The following ZNF536 variants were observed in gnomAD, a reference collection of about 807,000 sequenced individuals.
The protein encoded by ZNF536 is zinc finger protein 536.
Under a neutral mutation model 84.5 loss-of-function variants are expected in ZNF536, and 13 were observed. The observed-to-expected ratio is 0.15, with a 90% confidence interval of 0.10 to 0.24. The LOEUF (loss-of-function observed/expected upper bound fraction) is 0.24, where lower values mean the gene tolerates loss of function less well. ZNF536 is among the 10% of genes least tolerant of loss of function. The pLI is 1.00. For synonymous variants in ZNF536, 811 were observed against 742.5 expected (o/e 1.09, Z -1.50); for missense variants, 1,536 against 1,747.5 (o/e 0.88, Z 2.16).
chr19:30,663,418 A>G (rs929507937), intron 1 of ZNF536, among the ~76,000 whole-genome samples: 5 of 152,036 alleles, frequency 3.3e-5, no homozygotes, highest in African/African-American at 1.2e-4. Flanking sequence ...TTAAAATTAT[A>G]TAACTCTGTT....
chr19:30,655,630 C>A (rs1336016786), intron 1 of ZNF536, among the ~76,000 whole-genome samples: 1 of 152,148 alleles, frequency 6.6e-6, no homozygotes, highest in African/African-American at 2.4e-5. Context: ...TTGAGCTGGG[C>A]CTGCAAAGAT....
intron 1 of ZNF536, among the ~76,000 whole-genome samples, chr19:30,573,935 C>A (rs1378123579): frequency 6.6e-6 from 1 of 152,196 alleles, no homozygotes; most frequent in Non-Finnish European, 1.5e-5. Flanking sequence ...TGCAGAGGAG[C>A]TATTGCCAGG....
intron 1 of ZNF536, among the ~76,000 whole-genome samples, chr19:30,592,175 C>T (rs1447709322): frequency 6.6e-6 from 1 of 152,158 alleles, no homozygotes; most frequent in Non-Finnish European, 1.5e-5. Flanking sequence ...AGTCACTATG[C>T]ATCAAATTCT....
chr19:30,332,437 C>T (rs542666534), intron 2 of ZNF536, among the ~76,000 whole-genome samples: 2 of 152,208 alleles, frequency 1.3e-5, no homozygotes, highest in South Asian at 2.1e-4. Context: ...AGTGGGCGTC[C>T]AGGCATCCTC....
At chr19:30,497,958 A>G (rs2145238601) in intron 2 of ZNF536, among the ~76,000 whole-genome samples, 1 of 152,274 alleles carries the variant, frequency 6.6e-6, no homozygotes, top group African/African-American at 2.4e-5. Flanking sequence ...TTGCTCATTT[A>G]CTCATGAATT....
At chr19:30,535,141 T>C (rs1363703139) in intron 3 of ZNF536, 142 bp downstream of exon 3, 1 of 953,094 alleles carries the variant, frequency 1.0e-6, no homozygotes, top group Non-Finnish European at 1.5e-6. Context: ...CACCATTGTA[T>C]GGCTCAGAAG....
intron 3 of ZNF536, among the ~76,000 whole-genome samples, chr19:30,360,249 C>T (rs960770114): frequency 6.6e-6 from 1 of 152,208 alleles, no homozygotes; most frequent in Non-Finnish European, 1.5e-5. Context: ...GGCCCCTGCC[C>T]GGCTCCCTTG....
chr19:30,326,813 T>TTTTTTTG (rs2047052922), intron 2 of ZNF536, among the ~76,000 whole-genome samples: 2 of 139,176 alleles, frequency 1.4e-5, no homozygotes, highest in Non-Finnish European at 3.1e-5. Flanking sequence ...TTTTTTTTTT[T>TTTTTTTG]TTTTTGTTTT....
intron 2 of ZNF536, among the ~76,000 whole-genome samples, chr19:30,332,187 C>G (rs1466050832): frequency 2.0e-5 from 3 of 152,128 alleles, no homozygotes; most frequent in Non-Finnish European, 4.4e-5. Context: ...TCCTCTTTGC[C>G]CCCCGGCCTC....
At chr19:30,349,887 T>C (rs986465615) in intron 2 of ZNF536, among the ~76,000 whole-genome samples, 4 of 152,144 alleles carry the variant, frequency 2.6e-5, no homozygotes, top group African/African-American at 9.7e-5. Flanking sequence ...AATGGAGAAG[T>C]ATAGTATGTT....
chr19:30,532,118 CCTT>C (rs1410146180), intron 2 of ZNF536, among the ~76,000 whole-genome samples: 1 of 150,264 alleles, frequency 6.7e-6, no homozygotes, highest in Non-Finnish European at 1.5e-5. Context: ...CAGGAATTAC[CCTT>C]CTTTTTTTTT....
chr19:30,450,719 ATTAT>A (rs2052564486), intron 2 of ZNF536, among the ~76,000 whole-genome samples: 1 of 152,236 alleles, frequency 6.6e-6, no homozygotes, highest in Non-Finnish European at 1.5e-5. Flanking sequence ...AATAGGCAAC[ATTAT>A]TTAATTTTCC....
intron 2 of ZNF536, among the ~76,000 whole-genome samples, chr19:30,483,071 G>A (rs1285351683): frequency 6.6e-6 from 1 of 152,140 alleles, no homozygotes; most frequent in Non-Finnish European, 1.5e-5. Flanking sequence ...CCATCCTCCA[G>A]GCTCCAGCCC....
At chr19:30,707,903 G>A (rs575562032) in intron 1 of ZNF536, among the ~76,000 whole-genome samples, 5 of 151,788 alleles carry the variant, frequency 3.3e-5, no homozygotes, top group South Asian at 4.2e-4. Flanking sequence ...CCAGCTACTC[G>A]GGGAGTCTAA....
At chr19:30,396,729 C>T (rs1030097101) in intron 1 of ZNF536, among the ~76,000 whole-genome samples, 6 of 151,848 alleles carry the variant, frequency 4.0e-5, no homozygotes, top group Non-Finnish European at 5.9e-5. Context: ...CTCAGTCTCC[C>T]GAGTAGCTGA....
chr19:30,400,734 G>A (rs1038154717), intron 1 of ZNF536, among the ~76,000 whole-genome samples: 1 of 152,078 alleles, frequency 6.6e-6, no homozygotes, highest in African/African-American at 2.4e-5. Flanking sequence ...CCTGGCCTGA[G>A]AGTTCTTTCT....
rs186659932 is a variant in ZNF536 at position 30,587,934 on chromosome 19, T to G, written c.169+38420T>G. On this transcript the variant is annotated intron_variant, in intron 1 of 1. Transcript: ENST00000592773. ...TGTAATTGGTGCATTAAAAAGGCAC[T>G]TCTGTTTACTAACGTCTTGCAATCA... Among the ~76,000 whole-genome samples the G allele has an allele frequency of 3.7e-4, 57 of 152,370 alleles. No individual in the cohort carries two copies. The Middle Eastern group carries it at 0.014, about 36-fold the overall frequency.
At chr19:30,432,922 G>C (rs753278130) in intron 1 of ZNF536, among the ~76,000 whole-genome samples, 7 of 152,130 alleles carry the variant, frequency 4.6e-5, no homozygotes, top group Non-Finnish European at 8.8e-5. Context: ...TTTTTTATAG[G>C]AACCTGGTAG....
chr19:30,547,966 C>A lies in ZNF536; in HGVS notation c.2347C>A (p.His783Asn), dbSNP rs2146174292. The part of the protein sequence containing the change: ...HTGEKPYKCP[H>N]CDYAGTQSAS... ...AGGTGAGAAACCCTACAAGTGTCCG[C>A]ACTGTGACTATGCCGGCACGCAGTC... is the stretch of plus-strand genomic sequence containing the variant. Residue 783 changes from histidine (H) to asparagine (N), a missense_variant, in exon 4 of 5, where the codon CAC becomes AAC. Physicochemically the swap from His to Asn is moderately conservative, Grantham distance 68. Transcript: ENST00000355537. 6.3e-7 allele frequency: 1 copy of A among 1,577,340 alleles called. No individual in the cohort carries two copies. Among genetic ancestry groups the A allele is most frequent in the Admixed American group, 1.8e-5 (1 of 54,906 alleles).
Sources: allele counts gnomAD v4.1 joint callset (sites outside exome capture counted in the v4.1 genomes callset), GRCh38; gene constraint gnomAD v4.1.1; transcripts MANE v1.5; gene names NCBI Gene and HGNC (gene_info 2026-07-23, HGNC 2026-07-21).